The following WDR59 variants were observed in gnomAD, a reference collection of about 807,000 sequenced individuals.
WDR59 encodes GATOR2 complex protein WDR59.
A neutral mutation model predicts 131.2 loss-of-function variants in WDR59; 100 were observed. The observed-to-expected ratio is 0.76, with a 90% CI of 0.65 to 0.90. The LOEUF is 0.90. WDR59 is among the 40% of genes least tolerant of loss of function. The pLI is 0.00. For missense variants in WDR59, 1,203 were observed against 1,262.2 expected (o/e 0.95, Z 0.71); for synonymous variants, 601 against 466.2 (o/e 1.29, Z -3.72).
rs114085608 is a variant in WDR59, at chr16:74,921,984, A to G, written c.849T>C (p.Asp283=). 5.2e-4 allele frequency: 845 copies of G among 1,614,144 alleles called. 4 individuals carry two copies. In the African/African-American group the frequency reaches 0.011, roughly 20 times the overall value. Residue 283 remains aspartate, a synonymous_variant, in exon 10 of 26, where the codon GAT becomes GAC. Transcript: ENST00000262144. ...TCCTCCACTGGAACTCCAGGACCAC[A>G]TCATCATGCCCCACGAAGGTGTGGA... ...TPVHTFVGHD[D]VVLEFQWRKQ... is the part of the protein sequence containing the mutation.
intron 2 of WDR59, among the ~76,000 whole-genome samples, chr16:74,959,920 A>G (rs1246113182): frequency 6.6e-6 from 1 of 151,962 alleles, no homozygotes; most frequent in African/African-American, 2.4e-5. Flanking sequence ...TGGAACCAAT[A>G]TTTTCCAAGA....
intron 1 of WDR59, chr16:74,979,213 G>GCTCATGCCTGTAACAC (rs76969367): frequency 2.0e-5 from 3 of 151,824 alleles, no homozygotes; most frequent in South Asian, 2.1e-4. Flanking sequence ...AGGCGCGGTG[G>GCTCATGCCTGTAACAC]CAGCATTTTG....
intron 21 of WDR59, among the ~76,000 whole-genome samples, chr16:74,888,675 C>A (rs1315197565): frequency 6.6e-6 from 1 of 152,120 alleles, no homozygotes; most frequent in East Asian, 1.9e-4. Context: ...GTCTTCCCAG[C>A]TCCAAGGAAG....
chr16:74,883,427 C>T (rs1350868261), intron 25 of WDR59, among the ~76,000 whole-genome samples: 1 of 152,300 alleles, frequency 6.6e-6, no homozygotes, highest in East Asian at 1.9e-4. Context: ...CAGGGTTCAG[C>T]TTTATCATGC....
chr16:74,900,981 C>A (rs1219364252), intron 18 of WDR59, among the ~76,000 whole-genome samples: 1 of 152,218 alleles, frequency 6.6e-6, no homozygotes, highest in African/African-American at 2.4e-5. Flanking sequence ...CACCTGTAAT[C>A]CCAGCTACTT....
intron 6 of WDR59, among the ~76,000 whole-genome samples, chr16:74,944,617 G>T (rs781436224): frequency 1.3e-5 from 2 of 151,992 alleles, no homozygotes; most frequent in Non-Finnish European, 2.9e-5. Context: ...GGGGACCACA[G>T]GCTCTGGGAA....
At chr16:74,953,797 C>G (rs1244683017) in intron 3 of WDR59, among the ~76,000 whole-genome samples, 1 of 150,786 alleles carries the variant, frequency 6.6e-6, no homozygotes, top group African/African-American at 2.4e-5. Flanking sequence ...GTGAGGAGAT[C>G]GAGACCATCC....
intron 8 of WDR59, among the ~76,000 whole-genome samples, chr16:74,936,829 A>T (rs933693955): frequency 7.2e-5 from 11 of 152,156 alleles, no homozygotes; most frequent in African/African-American, 2.7e-4. Context: ...AGTCTCAAAA[A>T]ATAAATAAAT....
At chr16:74,929,097 C>T (rs561894182) in intron 8 of WDR59, among the ~76,000 whole-genome samples, 9 of 152,120 alleles carry the variant, frequency 5.9e-5, no homozygotes, top group Admixed American at 4.6e-4. Flanking sequence ...TTTCTTGAGA[C>T]GGAGTCTCAC....
Position 74,926,640 on chromosome 16 carries a change from T to A in WDR59, c.652-2637A>T, listed in dbSNP as rs1486119239. ...ACTTAATAAAGTATAGGGATATATA[T>A]TCAGGCCCAAAAATCTCTTACTAAA... On this transcript the variant is annotated intron_variant, in intron 8 of 25. Transcript: ENST00000262144. Among the ~76,000 whole-genome samples the A allele has an allele frequency of 2.0e-5, 3 of 152,206 alleles. No individual in the cohort carries two copies. In the South Asian group the frequency reaches 6.2e-4, roughly 31 times the overall value.
intron 13 of WDR59, among the ~76,000 whole-genome samples, chr16:74,913,529 G>T (rs931389710): frequency 1.3e-5 from 2 of 152,128 alleles, no homozygotes; most frequent in African/African-American, 4.8e-5. Flanking sequence ...GACCTCCAGT[G>T]ATCCACCCAC....
In WDR59 at chr16:74,903,987, T is replaced by TC; in HGVS notation, c.1825_1826insG (p.Lys609ArgfsTer22). On this transcript the variant is annotated frameshift_variant, in exon 18 of 26. Transcript: ENST00000262144. LOFTEE classifies it high-confidence loss of function. ...GAAGGAGCTGATGGAGACCTGCTCT[T>TC]TCTCGCTGCGAGTGGGGCTCCCACT... 1 of 1,610,916 alleles carries TC rather than the reference T, an allele frequency of 6.2e-7. No homozygotes were observed. Among genetic ancestry groups the TC allele is most frequent in the Non-Finnish European group, 8.5e-7 (1 of 1,179,160 alleles).
intron 24 of WDR59, 92 bp from the exon 25 acceptor site, chr16:74,885,887 C>T (rs1964731501): frequency 1.4e-6 from 2 of 1,459,680 alleles, no homozygotes; most frequent in Non-Finnish European, 1.8e-6. Context: ...CTTAAAGCAA[C>T]AGTCCTGGCC....
chr16:74,928,467 C>G (rs541623160), intron 8 of WDR59, among the ~76,000 whole-genome samples: 3 of 151,764 alleles, frequency 2.0e-5, no homozygotes, highest in Non-Finnish European at 4.4e-5. Flanking sequence ...GATCTGCTTG[C>G]CTAAACCTCC....
intron 2 of WDR59, among the ~76,000 whole-genome samples, chr16:74,965,112 C>A (rs1388549687): frequency 6.6e-6 from 1 of 152,010 alleles, no homozygotes; most frequent in African/African-American, 2.4e-5. Flanking sequence ...GCTATGTTGC[C>A]CAGGCTGGTC....
At chr16:74,931,632 C>T (rs1036451171) in intron 8 of WDR59, among the ~76,000 whole-genome samples, 2 of 152,034 alleles carry the variant, frequency 1.3e-5, no homozygotes, top group Non-Finnish European at 2.9e-5. Flanking sequence ...TCACTGCACC[C>T]GGCTGAACTT....
chr16:74,901,610 T>C (rs1965554991), intron 18 of WDR59, among the ~76,000 whole-genome samples: 1 of 150,630 alleles, frequency 6.6e-6, no homozygotes. Flanking sequence ...ACCACTGCAC[T>C]CTAGCCTGGG....
chr16:74,984,838 C>T lies in WDR59; in HGVS notation c.54+126G>A, dbSNP rs1021387712. The T allele has an allele frequency of 4.3e-6, 6 of 1,404,726 alleles. No homozygotes were observed. The African/African-American group carries it at 5.7e-5, about 13-fold the overall frequency. The allele number at this position is 1,404,726 out of a possible 1,614,324, so 87.0% of individuals were successfully genotyped here. A position where few individuals can be genotyped will look rare whatever the true frequency, so the allele number is the denominator to read the frequency against. ...ACGGGGCCTAAGAGGTCGGCTAAGC[C>T]CCGCCCACCTCCTCAGTACGGGGCC... On this transcript the variant is annotated intron_variant, in intron 1 of 25. Coordinates refer to ENST00000262144, the MANE Select transcript of WDR59 (RefSeq NM_030581.4).
intron 1 of WDR59, among the ~76,000 whole-genome samples, chr16:74,975,120 G>C (rs772027398): frequency 2.0e-5 from 3 of 152,190 alleles, no homozygotes; most frequent in Non-Finnish European, 2.9e-5. Flanking sequence ...CAGCACCTTG[G>C]GATGCCAAGG....
Sources: allele counts gnomAD v4.1 joint callset (sites outside exome capture counted in the v4.1 genomes callset), GRCh38; gene constraint gnomAD v4.1.1; transcripts MANE v1.5; gene names NCBI Gene and HGNC (gene_info 2026-07-23, HGNC 2026-07-21).